PUDP: variants seen among roughly 807,000 people sequenced by gnomAD.
PUDP encodes pseudouridine 5'-phosphatase, also known as pseudouridine-5'-phosphatase.
In PUDP, 8 loss-of-function variants were observed where a neutral mutation model predicts 9.4. The observed-to-expected ratio is 0.85, with a 90% confidence interval of 0.50 to 1.53. The LOEUF is 1.53. PUDP is among the 40% of genes most tolerant of loss of function. The pLI, the probability that PUDP is intolerant of heterozygous loss-of-function variation, is 0.00. For missense variants in PUDP, 188 were observed against 189.7 expected (o/e 0.99, Z 0.05); for synonymous variants, 99 against 80.7 (o/e 1.23, Z -1.22).
At chrX:6,835,713 G>A (rs1439376718) in intron 3 of PUDP, among the ~76,000 whole-genome samples, 6 of 110,498 alleles carry the variant, frequency 5.4e-5, no homozygotes, top group South Asian at 3.9e-4. Context: ...ACATTGCTAC[G>A]TTGTTTTTTG....
intron 1 of PUDP, among the ~76,000 whole-genome samples, chrX:6,991,202 G>A (rs1000463378): frequency 5.4e-5 from 6 of 111,398 alleles, no homozygotes; most frequent in Non-Finnish European, 7.5e-5. Flanking sequence ...ACTCTCCAGC[G>A]GACCATTCAA....
intron 3 of PUDP, among the ~76,000 whole-genome samples, chrX:6,892,963 G>C (rs1211709650): frequency 8.9e-6 from 1 of 111,807 alleles, no homozygotes; most frequent in Admixed American, 9.5e-5. Context: ...CACTCAGTCT[G>C]TGGTATTTTT....
chrX:6,902,595 G>A (rs1471893902), intron 3 of PUDP, among the ~76,000 whole-genome samples: 4 of 112,207 alleles, frequency 3.6e-5, no homozygotes, highest in Non-Finnish European at 7.5e-5. Context: ...AGAGGGCAGG[G>A]GCTTTTAAAG....
intron 3 of PUDP, among the ~76,000 whole-genome samples, chrX:6,838,496 A>C (rs1436247067): frequency 8.9e-6 from 1 of 112,336 alleles, no homozygotes; most frequent in Non-Finnish European, 1.9e-5. Flanking sequence ...TGTGGGTATG[A>C]TACATATTTT....
chrX:7,005,626 T>C (rs1929392331), intron 1 of PUDP, among the ~76,000 whole-genome samples: 1 of 110,495 alleles, frequency 9.1e-6, no homozygotes, highest in African/African-American at 3.3e-5. Context: ...CCCAGGCTGG[T>C]CTCGAACTCC....
chrX:6,853,524 T>C (rs1475487664), intron 3 of PUDP, among the ~76,000 whole-genome samples: 2 of 110,003 alleles, frequency 1.8e-5, no homozygotes, highest in Non-Finnish European at 3.8e-5. Context: ...ATTAATTCCA[T>C]GGCATTTAGT....
At chrX:7,089,976 C>T (rs80114706) in intron 2 of PUDP, among the ~76,000 whole-genome samples, 1 of 111,733 alleles carries the variant, frequency 8.9e-6, no homozygotes, top group Admixed American at 9.5e-5. Context: ...GCCCCCTTGC[C>T]TGTGACACTA....
intron 3 of PUDP, among the ~76,000 whole-genome samples, chrX:6,942,821 G>A (rs1371137851): frequency 8.9e-6 from 1 of 111,784 alleles, no homozygotes; most frequent in Non-Finnish European, 1.9e-5. Flanking sequence ...TATTGGCGTG[G>A]TGTAGCCCCA....
chrX:7,102,940 G>C (rs1180961046), intron 2 of PUDP, among the ~76,000 whole-genome samples: 2 of 111,754 alleles, frequency 1.8e-5, no homozygotes, highest in African/African-American at 6.5e-5. Context: ...CAAATAAATT[G>C]AAAGACATCT....
chrX:6,956,191 A>C lies in PUDP; in HGVS notation c.*247+20942T>G, dbSNP rs370664662. The stretch of plus-strand genomic sequence containing the variant: ...CAGCCTCCCAAGTAGCTGGGACTAC[A>C]GGCGCATGCCACCACGCCCAGCTAA... On this transcript the variant is annotated intron_variant and NMD_transcript_variant, in intron 3 of 3. Transcript: ENST00000655425. 6.2e-5 allele frequency among the ~76,000 whole-genome samples: 7 copies of C among 112,169 alleles called. No individual in the cohort carries two copies. In the East Asian group the frequency reaches 1.7e-3, roughly 27 times the overall value.
At chrX:7,110,753 C>T (rs991380005) in intron 1 of PUDP, among the ~76,000 whole-genome samples, 30 of 88,890 alleles carry the variant, frequency 3.4e-4, no homozygotes, top group Non-Finnish European at 4.8e-4. Context: ...TGTTCTCTTG[C>T]GGGCAGGGGT....
intron 1 of PUDP, among the ~76,000 whole-genome samples, chrX:7,041,946 G>C (rs1282656297): frequency 3.7e-5 from 4 of 107,347 alleles, no homozygotes; most frequent in Non-Finnish European, 7.7e-5. Context: ...AGATCCTCCG[G>C]CCTCATCTTC....
chrX:6,818,140 C>G (rs1350496578), intron 3 of PUDP, among the ~76,000 whole-genome samples: 1 of 111,290 alleles, frequency 9.0e-6, no homozygotes, highest in East Asian at 2.8e-4. Context: ...TAGACACACA[C>G]AGAAAGTCAC....
intron 1 of PUDP, among the ~76,000 whole-genome samples, chrX:7,118,367 T>G (rs1932252403): frequency 8.9e-6 from 1 of 112,005 alleles, no homozygotes; most frequent in Non-Finnish European, 1.9e-5. Context: ...ACAAAATATA[T>G]TCCTCTCTTT....
chrX:6,882,042 C>T (rs372968669), intron 3 of PUDP, among the ~76,000 whole-genome samples: 3 of 101,960 alleles, frequency 2.9e-5, no homozygotes, highest in East Asian at 3.2e-4. Flanking sequence ...GGCACGATCT[C>T]GGCTCACTGC....
intron 3 of PUDP, among the ~76,000 whole-genome samples, chrX:6,933,741 T>G (rs185102413): frequency 9.0e-6 from 1 of 110,631 alleles, no homozygotes; most frequent in African/African-American, 3.3e-5. Context: ...TGAAAAAAAT[T>G]TAGAAGAATG....
At chrX:6,917,094 G>A (rs545731040) in intron 3 of PUDP, among the ~76,000 whole-genome samples, 3 of 112,261 alleles carry the variant, frequency 2.7e-5, no homozygotes, top group African/African-American at 9.7e-5. Context: ...ACTAGGCACA[G>A]TGGTTCATGC....
At chrX:7,129,463 C>T (rs1431680167) in intron 1 of PUDP, among the ~76,000 whole-genome samples, 1 of 111,799 alleles carries the variant, frequency 8.9e-6, no homozygotes, top group Non-Finnish European at 1.9e-5. Context: ...CAGAACAGGC[C>T]TAGAGCCTGA....
chrX:6,749,749 A>G (rs1402834083), intron 3 of PUDP, among the ~76,000 whole-genome samples: 1 of 112,122 alleles, frequency 8.9e-6, no homozygotes, highest in Non-Finnish European at 1.9e-5. Context: ...CCACTTAAAA[A>G]TCAGTCTCCT....
Sources: gnomAD v4.1 joint callset for allele counts (sites outside exome capture counted in the v4.1 genomes callset) on GRCh38, gnomAD v4.1.1 for gene constraint, MANE v1.5 for transcripts, NCBI Gene and HGNC (gene_info 2026-07-23, HGNC 2026-07-21) for gene names.